Variants in PDE4D observed in about 807,000 individuals in gnomAD.
PDE4D encodes 3',5'-cyclic-AMP phosphodiesterase 4D.
A neutral mutation model predicts 87.4 loss-of-function variants in PDE4D; 24 were observed. The ratio of observed to expected loss-of-function variants is 0.27; its 90% CI spans 0.20 to 0.39. The LOEUF (loss-of-function observed/expected upper bound fraction) is 0.39, where lower values mean the gene tolerates loss of function less well. PDE4D is among the 10% of genes least tolerant of loss of function. The pLI, the probability that PDE4D is intolerant of heterozygous loss-of-function variation, is 1.00. For missense variants in PDE4D, 714 were observed against 1,041.0 expected, an observed-to-expected ratio of 0.69 and a Z score of 4.32; for synonymous variants, 384 against 383.2, an observed-to-expected ratio of 1.00 and a Z score of -0.02.
chr5:59,326,853 T>C (rs1164905175), intron 1 of PDE4D, among the ~76,000 whole-genome samples: 1 of 152,140 alleles, frequency 6.6e-6, no homozygotes, highest in African/African-American at 2.4e-5. Context: ...ATTCCTAAAT[T>C]CCTTTCCAAT....
chr5:59,480,958 G>A (rs1302964483), intron 1 of PDE4D, among the ~76,000 whole-genome samples: 1 of 152,114 alleles, frequency 6.6e-6, no homozygotes, highest in Non-Finnish European at 1.5e-5. Context: ...CAATGACCAG[G>A]GCAGTGTCAT....
chr5:60,186,603 C>CT (rs984143646), intron 1 of PDE4D, among the ~76,000 whole-genome samples: 9 of 152,184 alleles, frequency 5.9e-5, no homozygotes, highest in African/African-American at 2.2e-4. Flanking sequence ...CACAAAAACT[C>CT]TGATATTGCA....
chr5:60,063,475 C>A (rs1261960638), intron 2 of PDE4D, among the ~76,000 whole-genome samples: 4 of 152,072 alleles, frequency 2.6e-5, no homozygotes, highest in Admixed American at 2.0e-4. Context: ...TGGCTGACTC[C>A]ATCTTGCTTC....
intron 3 of PDE4D, among the ~76,000 whole-genome samples, chr5:59,983,873 C>T (rs1762159236): frequency 6.6e-6 from 1 of 152,104 alleles, no homozygotes; most frequent in African/African-American, 2.4e-5. Flanking sequence ...GAAATGAGTG[C>T]ATATATTCAC....
intron 1 of PDE4D, among the ~76,000 whole-genome samples, chr5:59,585,844 A>G (rs294494): frequency 0.76 from 115,705 of 152,064 alleles, 44,397 homozygotes; most frequent in South Asian, 0.86. Flanking sequence ...TAGCTAAAAT[A>G]TCCTTAACTG....
rs58034946 is a variant in PDE4D at position 60,450,050 on chromosome 5, T to TAA, written c.-90+37890_-90+37891dup. Reference sequence around the variant, plus strand: ...ACAAGTCAATAAAATTTTTTTTCAGTAAAAAAAAAAAAAGAAACTAAAGTA... The same window carrying TAA: ...ACAAGTCAATAAAATTTTTTTTCAGTAAAAAAAAAAAAAAAGAAACTAAAGTA... On this transcript the variant is annotated intron_variant, in intron 1 of 16. Transcript: ENST00000502484. Among the ~76,000 whole-genome samples the TAA allele has an allele frequency of 8.4e-4, 115 of 136,142 alleles. 1 individual carries two copies. Among genetic ancestry groups the TAA allele is most frequent in the African/African-American group, 2.7e-3 (103 of 37,750 alleles). 89.3% of individuals were successfully genotyped at this position (136,142 alleles called of 152,430 possible). A position where few individuals can be genotyped will look rare whatever the true frequency, so the allele number is the denominator to read the frequency against.
At chr5:59,926,923 T>A (rs778507835) in intron 3 of PDE4D, among the ~76,000 whole-genome samples, 1 of 152,194 alleles carries the variant, frequency 6.6e-6, no homozygotes, top group Non-Finnish European at 1.5e-5. Flanking sequence ...ATGGCCTCAC[T>A]GCTGCATTTT....
At chr5:60,103,841 T>TA (rs1045725158) in intron 2 of PDE4D, among the ~76,000 whole-genome samples, 1 of 151,506 alleles carries the variant, frequency 6.6e-6, no homozygotes, top group Admixed American at 6.6e-5. Flanking sequence ...AAATATGAAT[T>TA]AAAAAAATTA....
Position 59,071,121 on chromosome 5 carries a change from G to A in PDE4D, c.809-32150C>T, listed in dbSNP as rs185503524. On this transcript the variant is annotated intron_variant, in intron 5 of 14. Transcript: ENST00000340635. ...TCTTGGTTGAGAATCACTTTCCTTC[G>A]GAATTTAAAAGGCATCACTTCATTC... is the stretch of plus-strand genomic sequence containing the variant. Among the ~76,000 whole-genome samples, 17 of 152,144 alleles carry A rather than the reference G, an allele frequency of 1.1e-4. 1 individual carries two copies. The highest frequency in any genetic ancestry group is 9.8e-4 in the Admixed American group (15 of 15,284).
chr5:60,093,686 T>G (rs946806412), intron 2 of PDE4D, among the ~76,000 whole-genome samples: 3 of 152,152 alleles, frequency 2.0e-5, no homozygotes, highest in African/African-American at 7.2e-5. Flanking sequence ...TGCCATGCTC[T>G]CTCTAGAAAA....
chr5:59,038,414 T>C (rs1758941185), intron 6 of PDE4D, among the ~76,000 whole-genome samples: 1 of 152,202 alleles, frequency 6.6e-6, no homozygotes, highest in Non-Finnish European at 1.5e-5. Context: ...CGGGGTACCC[T>C]GACAACTAGA....
At chr5:59,371,318 A>G (rs1014485043) in intron 1 of PDE4D, among the ~76,000 whole-genome samples, 7 of 152,216 alleles carry the variant, frequency 4.6e-5, no homozygotes. Flanking sequence ...GAAATAATAA[A>G]AGCAGAATTA....
chr5:59,723,841 A>T (rs1230702175), intron 1 of PDE4D, among the ~76,000 whole-genome samples: 2 of 152,192 alleles, frequency 1.3e-5, no homozygotes, highest in Non-Finnish European at 2.9e-5. Flanking sequence ...GCCACTGGTT[A>T]ACTTTTCTCC....
rs184859630 is a variant in PDE4D at position 59,040,292 on chromosome 5, G to C, written c.809-1321C>G. 3.9e-5 allele frequency among the ~76,000 whole-genome samples: 6 copies of C among 152,248 alleles called. No individual in the cohort carries two copies. In the East Asian group the frequency reaches 1.2e-3, roughly 29 times the overall value. ...ATATACAATGTTGTGGGGTCGGAAC[G>C]CTTTATAATTCACAAATTTGACAAT... On this transcript the variant is annotated intron_variant, in intron 5 of 14. Transcript: ENST00000340635.
intron 1 of PDE4D, among the ~76,000 whole-genome samples, chr5:60,279,524 A>G (rs924616005): frequency 1.3e-5 from 2 of 152,122 alleles, no homozygotes; most frequent in East Asian, 1.9e-4. Flanking sequence ...TGGGTCCACA[A>G]TGCTTTTTCT....
intron 5 of PDE4D, chr5:59,179,635 G>A (rs752570934): frequency 2.8e-5 from 13 of 458,806 alleles, no homozygotes; most frequent in Admixed American, 7.1e-5. Flanking sequence ...ACAGACAGAC[G>A]TCTGGACATG....
intron 4 of PDE4D, among the ~76,000 whole-genome samples, chr5:59,181,256 T>C (rs34200989): frequency 0.11 from 16,256 of 151,806 alleles, 1,058 homozygotes; most frequent in Admixed American, 0.19. Context: ...AATTATATCT[T>C]GTGTTCTCTA....
intron 1 of PDE4D, among the ~76,000 whole-genome samples, chr5:59,425,851 T>C (rs1222548063): frequency 6.6e-6 from 1 of 152,184 alleles, no homozygotes; most frequent in African/African-American, 2.4e-5. Flanking sequence ...ACAATCATTA[T>C]TAGTAAATCA....
chr5:59,851,547 C>T (rs56007543), intron 1 of PDE4D, among the ~76,000 whole-genome samples: 1,550 of 151,930 alleles, frequency 0.01, 32 homozygotes, highest in African/African-American at 0.035. Flanking sequence ...GTGAATACTA[C>T]GAGATACCAC....
Sources: gnomAD v4.1 joint callset for allele counts (sites outside exome capture counted in the v4.1 genomes callset) on GRCh38, gnomAD v4.1.1 for gene constraint, MANE v1.5 for transcripts, NCBI Gene and HGNC (gene_info 2026-07-23, HGNC 2026-07-21) for gene names.